LMBR1: variants seen among roughly 807,000 people sequenced by gnomAD.
The protein encoded by LMBR1 is limb development membrane protein 1.
Under a neutral mutation model 73.9 loss-of-function variants are expected in LMBR1, and 52 were observed. The ratio of observed to expected loss-of-function variants is 0.70; its 90% CI spans 0.56 to 0.89. The LOEUF (loss-of-function observed/expected upper bound fraction) is 0.89. Ranked by LOEUF, LMBR1 falls within the 40% of genes least tolerant of loss-of-function variation. The pLI, the probability that LMBR1 is intolerant of heterozygous loss-of-function variation, is 0.00. For missense variants in LMBR1, 539 were observed against 579.8 expected, an observed-to-expected ratio of 0.93 and a Z score of 0.72; for synonymous variants, 215 against 209.4, an observed-to-expected ratio of 1.03 and a Z score of -0.23.
At chr7:156,835,213 C>A (rs541617666) in intron 2 of LMBR1, among the ~76,000 whole-genome samples, 3 of 152,264 alleles carry the variant, frequency 2.0e-5, no homozygotes, top group Non-Finnish European at 4.4e-5. Context: ...CTCCAAGACT[C>A]TCTGCTCAGG....
chr7:156,893,009 C>T lies in LMBR1; in HGVS notation c.-16G>A. On this transcript the variant is annotated 5_prime_UTR_variant, in exon 1 of 17. Coordinates refer to ENST00000353442, the MANE Select transcript of LMBR1 (RefSeq NM_022458.4). ...GCCCTTCCATCCTCCTTCATGCCCG[C>T]CGCCGCGCCGCCCGCGTCCGCGTGC... 2 of 1,505,624 alleles carry T rather than the reference C, an allele frequency of 1.3e-6. No homozygotes were observed. Among genetic ancestry groups the T allele is most frequent in the East Asian group, 2.9e-5 (1 of 35,056 alleles). The allele number at this position is 1,505,624 out of a possible 1,614,324, so 93.3% of individuals were successfully genotyped here. A position where few individuals can be genotyped will look rare whatever the true frequency, so the allele number is the denominator to read the frequency against.
chr7:156,737,276 T>C (rs569253096), intron 9 of LMBR1, among the ~76,000 whole-genome samples: 46 of 152,220 alleles, frequency 3.0e-4, no homozygotes, highest in Admixed American at 5.9e-4. Flanking sequence ...CATTGCTTCA[T>C]TGTCTTCCTG....
chr7:156,756,150 G>T (rs758500150), intron 9 of LMBR1, among the ~76,000 whole-genome samples: 1 of 152,116 alleles, frequency 6.6e-6, no homozygotes, highest in African/African-American at 2.4e-5. Context: ...CAGTAGAGAG[G>T]TGTCTAGTCC....
intron 8 of LMBR1, 96 bp from the exon 9 acceptor site, chr7:156,756,561 G>C: frequency 1.5e-6 from 1 of 651,154 alleles, no homozygotes. Context: ...TTTAGGTAAC[G>C]TATTCATTCA....
At chr7:156,696,856 TTAAC>T (rs1808390672) in intron 15 of LMBR1, among the ~76,000 whole-genome samples, 1 of 152,202 alleles carries the variant, frequency 6.6e-6, no homozygotes, top group Non-Finnish European at 1.5e-5. Context: ...TCCCAAAGTC[TTAAC>T]TCATTTCAGC....
chr7:156,813,350 G>GA (rs1377833135), intron 4 of LMBR1, among the ~76,000 whole-genome samples: 1 of 152,108 alleles, frequency 6.6e-6, no homozygotes, highest in Admixed American at 6.6e-5. Flanking sequence ...GCTGATCATA[G>GA]AAAAAATGTT....
intron 8 of LMBR1, among the ~76,000 whole-genome samples, chr7:156,758,515 A>G (rs1158963586): frequency 6.6e-6 from 1 of 152,164 alleles, no homozygotes; most frequent in Non-Finnish European, 1.5e-5. Context: ...ATGGGGGTGG[A>G]TCTCTCATGA....
chr7:156,804,356 T>G (rs918349631), intron 4 of LMBR1, among the ~76,000 whole-genome samples: 5 of 152,184 alleles, frequency 3.3e-5, no homozygotes, highest in Non-Finnish European at 7.3e-5. Context: ...TCATAAATGC[T>G]CATGTACAAG....
At chr7:156,826,031 G>A (rs1276581283) in intron 4 of LMBR1, among the ~76,000 whole-genome samples, 2 of 152,216 alleles carry the variant, frequency 1.3e-5, no homozygotes, top group African/African-American at 4.8e-5. Flanking sequence ...CCAGGCCAGA[G>A]GGCAATGGTG....
chr7:156,819,129 A>T (rs1373244613), intron 4 of LMBR1, among the ~76,000 whole-genome samples: 1 of 152,228 alleles, frequency 6.6e-6, no homozygotes, highest in African/African-American at 2.4e-5. Flanking sequence ...ACAGAGATAC[A>T]TCTTGCTTAC....
Position 156,783,904 on chromosome 7 carries a change from A to C in LMBR1, c.423+12485T>G, listed in dbSNP as rs572152383. Among the ~76,000 whole-genome samples the C allele has an allele frequency of 2.0e-5, 3 of 152,304 alleles. No individual in the cohort carries two copies. The South Asian group carries it at 6.2e-4, about 32-fold the overall frequency. On this transcript the variant is annotated intron_variant, in intron 5 of 16. Transcript: ENST00000353442. The stretch of plus-strand genomic sequence containing the variant: ...AAAGTGTATGTGTAGAATTTGCTTC[A>C]GAAATGAAAGTCTTTTTTGTCAGAT...
At chr7:156,731,613 T>C (rs1816846914) in intron 10 of LMBR1, among the ~76,000 whole-genome samples, 1 of 152,192 alleles carries the variant, frequency 6.6e-6, no homozygotes, top group South Asian at 2.1e-4. Flanking sequence ...ATTTTTAGTA[T>C]GTTTTCCAAT....
intron 5 of LMBR1, among the ~76,000 whole-genome samples, chr7:156,781,477 T>A (rs1177890125): frequency 6.6e-6 from 1 of 152,148 alleles, no homozygotes; most frequent in Non-Finnish European, 1.5e-5. Flanking sequence ...TGGGCAGGTA[T>A]CAGTGCAGAT....
chr7:156,685,552 T>C lies in LMBR1; in HGVS notation c.1388-1389A>G, dbSNP rs1805829900. On this transcript the variant is annotated intron_variant, in intron 16 of 16. Transcript: ENST00000353442. This position sits in a 1 kb window ranked among gnomAD's most constrained non-coding sequence, Gnocchi z 4.1. ...GAGTGCTGCAGCCACTGCGGCACCA[T>C]GGCACATATCTGTGCATCTAGAAAC... Among the ~76,000 whole-genome samples, 1 of 152,224 alleles carries C rather than the reference T, an allele frequency of 6.6e-6. No individual in the cohort carries two copies. Among genetic ancestry groups the C allele is most frequent in the African/African-American group, 2.4e-5 (1 of 41,462 alleles).
At chr7:156,731,927 C>T (rs865963444) in intron 10 of LMBR1, among the ~76,000 whole-genome samples, 25 of 149,018 alleles carry the variant, frequency 1.7e-4, no homozygotes, top group African/African-American at 6.0e-4. Flanking sequence ...TAGTATGTAC[C>T]CTGAAAAAAC....
rs1312063329 is a variant in LMBR1 at position 156,681,925 on chromosome 7, A to G, written c.*2153T>C. The stretch of plus-strand genomic sequence containing the variant: ...ACCTAGCTCCAATGGAAGCACCTGC[A>G]TTTGGAGTCAGTCTCTCCAGAGGCA... On this transcript the variant is annotated 3_prime_UTR_variant, in exon 17 of 17. Transcript: ENST00000353442. 2 of 152,292 alleles carry G rather than the reference A, an allele frequency of 1.3e-5. No individual in the cohort carries two copies. The highest frequency in any genetic ancestry group is 2.4e-5 in the African/African-American group (1 of 41,462). The allele number at this position is 152,292 out of a possible 1,614,324, so 9.4% of individuals were successfully genotyped here. A position where few individuals can be genotyped will look rare whatever the true frequency, so the allele number is the denominator to read the frequency against.
chr7:156,812,658 T>C (rs1200413695), intron 4 of LMBR1, among the ~76,000 whole-genome samples: 1 of 152,180 alleles, frequency 6.6e-6, no homozygotes, highest in African/African-American at 2.4e-5. Context: ...TGTAAGACTC[T>C]ACACAGAGGG....
intron 5 of LMBR1, among the ~76,000 whole-genome samples, chr7:156,783,835 T>C (rs1393375793): frequency 1.3e-5 from 2 of 152,194 alleles, no homozygotes; most frequent in Non-Finnish European, 2.9e-5. Context: ...GCTCCTTCAA[T>C]GGTGTAAGAG....
At position 156,890,319 on chromosome 7, in the gene LMBR1, A is replaced by T. The variant is rs562023096; in HGVS notation, c.66+2609T>A. ...CGGGACATTAAAAGTACTCAAAAAA[A>T]TTTTAATAAATTGAACTATATTAAA... is the stretch of plus-strand genomic sequence containing the variant. On this transcript the variant is annotated intron_variant, in intron 1 of 16. Coordinates refer to ENST00000353442, the MANE Select transcript of LMBR1 (RefSeq NM_022458.4). Among the ~76,000 whole-genome samples, 12 of 151,350 alleles carry T rather than the reference A, an allele frequency of 7.9e-5. No homozygotes were observed. In the East Asian group the frequency reaches 1.2e-3, roughly 15 times the overall value.
Sources: allele counts gnomAD v4.1 joint callset (sites outside exome capture counted in the v4.1 genomes callset), GRCh38; gene constraint gnomAD v4.1.1; non-coding constraint Gnocchi (gnomAD v3.1); transcripts MANE v1.5; gene names NCBI Gene and HGNC (gene_info 2026-07-23, HGNC 2026-07-21).